DPP6: variants seen among roughly 807,000 people sequenced by gnomAD.
DPP6 encodes the protein dipeptidyl peptidase like 6, also known as A-type potassium channel modulatory protein DPP6.
A neutral mutation model predicts 122.6 loss-of-function variants in DPP6; 69 were observed. The observed-to-expected ratio is 0.56, with a 90% CI of 0.46 to 0.69. The LOEUF (loss-of-function observed/expected upper bound fraction) is 0.69. Among genes scored for constraint, DPP6 ranks in the 30% least tolerant of loss-of-function variants. DPP6 has a pLI of 0.00. For synonymous variants in DPP6, 418 were observed against 433.1 expected (o/e 0.97, Z 0.43); for missense variants, 928 against 1,116.9 (o/e 0.83, Z 2.41).
chr7:154,398,516 G>A (rs1348087727), intron 1 of DPP6, among the ~76,000 whole-genome samples: 2 of 152,160 alleles, frequency 1.3e-5, no homozygotes, highest in African/African-American at 4.8e-5. Flanking sequence ...GTGATCATAA[G>A]AAGAAAACGT....
chr7:154,083,218 C>T (rs1385243098), intron 1 of DPP6, among the ~76,000 whole-genome samples: 1 of 152,096 alleles, frequency 6.6e-6, no homozygotes, highest in African/African-American at 2.4e-5. Flanking sequence ...CTTTGCAGTG[C>T]ACTGGGCTGC....
At position 154,471,245 on chromosome 7, in the gene DPP6, C is replaced by T. The variant is rs11772213; in HGVS notation, c.359-3694C>T. The stretch of plus-strand genomic sequence containing the variant: ...CCGCCTGGGTGACAGAGCAAGACTC[C>T]GTCTCAAAAAACAAACAAACAAAAG... On this transcript the variant is annotated intron_variant, in intron 2 of 25. Coordinates refer to ENST00000377770, the MANE Select transcript of DPP6 (RefSeq NM_130797.4). Among the ~76,000 whole-genome samples the T allele has an allele frequency of 8.5e-3, 1,299 of 152,140 alleles. 11 individuals carry two copies. Among genetic ancestry groups the T allele is most frequent in the South Asian group, 0.022 (104 of 4,820 alleles).
At chr7:154,660,640 A>C in intron 6 of DPP6, among the ~76,000 whole-genome samples, 1 of 137,158 alleles carries the variant, frequency 7.3e-6, no homozygotes, top group South Asian at 2.4e-4. Flanking sequence ...TCATATACTC[A>C]TGGTGAATCA....
chr7:154,779,028 C>G, intron 10 of DPP6, among the ~76,000 whole-genome samples: 3 of 122,624 alleles, frequency 2.4e-5, no homozygotes, highest in East Asian at 2.2e-4. Flanking sequence ...ACCATCACCT[C>G]CACCACCACC....
In DPP6 at chr7:154,447,603, C is replaced by G. The variant is rs186962884; in HGVS notation, c.358+1275C>G. On this transcript the variant is annotated intron_variant, in intron 2 of 25. Coordinates refer to ENST00000377770, the MANE Select transcript of DPP6 (RefSeq NM_130797.4). ...AAAAGGACGATCTGTACCCTGATACCAAACTAGATAAAGATATCACAAGGA... is the reference window on the plus strand; with the variant it reads ...AAAAGGACGATCTGTACCCTGATACGAAACTAGATAAAGATATCACAAGGA... Among the ~76,000 whole-genome samples the G allele has an allele frequency of 3.0e-3, 453 of 152,136 alleles. 1 individual carries two copies. Among genetic ancestry groups the G allele is most frequent in the African/African-American group, 0.01 (430 of 41,520 alleles).
chr7:154,238,550 C>G (rs964415936), intron 1 of DPP6, among the ~76,000 whole-genome samples: 2 of 152,134 alleles, frequency 1.3e-5, no homozygotes, highest in African/African-American at 4.8e-5. Flanking sequence ...CACTATTGTT[C>G]CCATGATTCA....
At chr7:153,875,674 G>C in the DPP6 span, among the ~76,000 whole-genome samples, 2 of 151,824 alleles carry the variant, frequency 1.3e-5, no homozygotes, top group Non-Finnish European at 2.9e-5. Context: ...AATTTATGGG[G>C]TAAACACTGA....
At chr7:154,609,631 A>T (rs1335635886) in intron 5 of DPP6, among the ~76,000 whole-genome samples, 1 of 152,192 alleles carries the variant, frequency 6.6e-6, no homozygotes, top group Admixed American at 6.5e-5. Flanking sequence ...ACACACATAC[A>T]TGAGCACACA....
At chr7:153,899,204 TCC>T (rs1337711843) in intron 1 of DPP6, among the ~76,000 whole-genome samples, 14 of 151,798 alleles carry the variant, frequency 9.2e-5, no homozygotes, top group African/African-American at 3.4e-4. Context: ...CTCCTCCTCC[TCC>T]TCCTCCTTCT....
chr7:154,066,048 T>G (rs1041325700), intron 1 of DPP6, among the ~76,000 whole-genome samples: 8 of 148,230 alleles, frequency 5.4e-5, no homozygotes, highest in African/African-American at 1.2e-4. Context: ...GATTTGTTTT[T>G]TTTTTTTTTT....
At chr7:154,299,995 T>C (rs1370755255) in intron 1 of DPP6, among the ~76,000 whole-genome samples, 1 of 152,174 alleles carries the variant, frequency 6.6e-6, no homozygotes, top group Non-Finnish European at 1.5e-5. Flanking sequence ...TAAGGCTAGA[T>C]TGGCTTTCCC....
the DPP6 span, among the ~76,000 whole-genome samples, chr7:153,789,884 A>G: frequency 6.6e-6 from 1 of 152,170 alleles, no homozygotes; most frequent in Non-Finnish European, 1.5e-5. Flanking sequence ...GATCTTAGAG[A>G]CAATATATAA....
intron 1 of DPP6, among the ~76,000 whole-genome samples, chr7:154,189,634 T>G (rs1219004038): frequency 1.3e-5 from 2 of 152,184 alleles, no homozygotes; most frequent in Non-Finnish European, 2.9e-5. Context: ...AGACTCTTAA[T>G]GGAGTAAATG....
chr7:153,852,670 C>T, the DPP6 span, among the ~76,000 whole-genome samples: 1 of 152,052 alleles, frequency 6.6e-6, no homozygotes, highest in Admixed American at 6.6e-5. Context: ...ACATTGTGAG[C>T]CATGACAAAC....
chr7:154,355,078 C>A (rs1035969595), intron 1 of DPP6, among the ~76,000 whole-genome samples: 1 of 152,174 alleles, frequency 6.6e-6, no homozygotes, highest in Non-Finnish European at 1.5e-5. Flanking sequence ...ATCCCATTGT[C>A]ATTTTGATTT....
chr7:154,415,620 G>A (rs1449403423), intron 1 of DPP6, among the ~76,000 whole-genome samples: 1 of 151,448 alleles, frequency 6.6e-6, no homozygotes, highest in African/African-American at 2.4e-5. Flanking sequence ...TAAGCAAAAG[G>A]GATTAACTTG....
intron 1 of DPP6, among the ~76,000 whole-genome samples, chr7:153,930,534 T>C (rs1801124790): frequency 6.6e-6 from 1 of 152,240 alleles, no homozygotes; most frequent in South Asian, 2.1e-4. Flanking sequence ...ATACATACAC[T>C]GTGTAATGGC....
intron 6 of DPP6, among the ~76,000 whole-genome samples, chr7:154,665,005 A>G (rs1586844060): frequency 6.6e-6 from 1 of 152,182 alleles, no homozygotes; most frequent in Non-Finnish European, 1.5e-5. Context: ...CCTGTGTCCC[A>G]GGACCCCATG....
chr7:154,308,772 A>G (rs1385441457), intron 1 of DPP6, among the ~76,000 whole-genome samples: 1 of 152,210 alleles, frequency 6.6e-6, no homozygotes, highest in Non-Finnish European at 1.5e-5. Context: ...ATTGTAGTAC[A>G]TACTGTCTCC....
Sources: gnomAD v4.1 joint callset for allele counts (sites outside exome capture counted in the v4.1 genomes callset) on GRCh38, gnomAD v4.1.1 for gene constraint, MANE v1.5 for transcripts, NCBI Gene and HGNC (gene_info 2026-07-23, HGNC 2026-07-21) for gene names.